The following SYNPR variants were observed in gnomAD, a reference collection of about 807,000 sequenced individuals.
SYNPR encodes synaptoporin.
SYNPR carries 23 observed loss-of-function variants against 32.9 expected under a neutral mutation model. The ratio of observed to expected loss-of-function variants is 0.70; its 90% CI spans 0.50 to 0.99. SYNPR has a LOEUF of 0.99. SYNPR is among the 50% of genes least tolerant of loss of function. The pLI, the probability that SYNPR is intolerant of heterozygous loss-of-function variation, is 0.00. For missense variants in SYNPR, 318 were observed against 349.3 expected, an observed-to-expected ratio of 0.91 and a Z score of 0.71; for synonymous variants, 146 against 135.9, an observed-to-expected ratio of 1.07 and a Z score of -0.52.
At chr3:63,447,063 T>C (rs946338889) in intron 2 of SYNPR, among the ~76,000 whole-genome samples, 8 of 152,166 alleles carry the variant, frequency 5.3e-5, no homozygotes, top group Non-Finnish European at 7.3e-5. Context: ...AATCAGAAAG[T>C]GTGGTATTAG....
chr3:63,320,125 G>A (rs982886403), intron 2 of SYNPR, among the ~76,000 whole-genome samples: 2 of 151,786 alleles, frequency 1.3e-5, no homozygotes, highest in African/African-American at 4.8e-5. Context: ...AATTTTTTCT[G>A]TTTTTAGTAA....
intron 3 of SYNPR, among the ~76,000 whole-genome samples, chr3:63,522,000 AGAG>A (rs1296278877): frequency 1.3e-5 from 2 of 152,184 alleles, no homozygotes; most frequent in African/African-American, 2.4e-5. Flanking sequence ...GGCACAGTGC[AGAG>A]GAGAAGGGGG....
intron 4 of SYNPR, among the ~76,000 whole-genome samples, chr3:63,575,641 C>T (rs1034970272): frequency 3.9e-5 from 6 of 152,074 alleles, no homozygotes; most frequent in African/African-American, 1.4e-4. Flanking sequence ...TGTCAGTTTA[C>T]TCAAAGGAAA....
intron 2 of SYNPR, among the ~76,000 whole-genome samples, chr3:63,344,135 A>G (rs1382815248): frequency 1.3e-5 from 2 of 152,252 alleles, no homozygotes; most frequent in African/African-American, 4.8e-5. Flanking sequence ...CCCTCCTGAC[A>G]TTTTGATAAA....
chr3:63,571,229 T>C (rs1446279038), intron 4 of SYNPR, among the ~76,000 whole-genome samples: 1 of 152,136 alleles, frequency 6.6e-6, no homozygotes. Context: ...ATCTTAAAGT[T>C]TTACTGTTGT....
intron 3 of SYNPR, among the ~76,000 whole-genome samples, chr3:63,549,302 G>A (rs1702462407): frequency 6.6e-6 from 1 of 152,218 alleles, no homozygotes; most frequent in Admixed American, 6.5e-5. Flanking sequence ...ACCGTTAGAT[G>A]AGATGGCACG....
chr3:63,250,365 C>T (rs1324016116), intron 1 of SYNPR, among the ~76,000 whole-genome samples: 1 of 151,792 alleles, frequency 6.6e-6, no homozygotes, highest in South Asian at 2.1e-4. Flanking sequence ...ATAAAATTAT[C>T]CAAGATCTCC....
At chr3:63,222,011 A>ATTTTTTTTTTTTTTTTTTGTTTTTTT in the SYNPR span, among the ~76,000 whole-genome samples, 1 of 56,406 alleles carries the variant, frequency 1.8e-5, no homozygotes, top group Non-Finnish European at 3.5e-5. Flanking sequence ...GCCATGCTCA[A>ATTTTTTTTTTTTTTTTTTGTTTTTTT]TTTTTTTTTT....
At chr3:63,502,484 A>C (rs1701501027) in intron 3 of SYNPR, among the ~76,000 whole-genome samples, 1 of 152,140 alleles carries the variant, frequency 6.6e-6, no homozygotes, top group African/African-American at 2.4e-5. Context: ...ATGACATATA[A>C]TCACCACTAT....
chr3:63,519,075 A>G (rs1283473549), intron 3 of SYNPR, among the ~76,000 whole-genome samples: 1 of 152,118 alleles, frequency 6.6e-6, no homozygotes, highest in East Asian at 1.9e-4. Flanking sequence ...ATTGATTTGC[A>G]TATGTTGAAC....
intron 2 of SYNPR, among the ~76,000 whole-genome samples, chr3:63,353,303 G>A (rs1378468863): frequency 6.6e-6 from 1 of 152,200 alleles, no homozygotes; most frequent in African/African-American, 2.4e-5. Context: ...TCAGCCCACA[G>A]TAATTACAAT....
intron 4 of SYNPR, among the ~76,000 whole-genome samples, chr3:63,596,537 G>A (rs976186764): frequency 6.6e-5 from 10 of 151,910 alleles, no homozygotes; most frequent in African/African-American, 2.4e-4. Flanking sequence ...TGCCCCTGTG[G>A]GCCGCCCACC....
chr3:63,459,326 T>C (rs937554218), intron 2 of SYNPR, among the ~76,000 whole-genome samples: 1 of 152,088 alleles, frequency 6.6e-6, no homozygotes, highest in African/African-American at 2.4e-5. Context: ...CCATCCTTTT[T>C]GACTTTTAAA....
At chr3:63,490,177 GAGAGCAAAGGACA>G (rs1701232997) in intron 3 of SYNPR, among the ~76,000 whole-genome samples, 2 of 152,088 alleles carry the variant, frequency 1.3e-5, no homozygotes, top group Non-Finnish European at 2.9e-5. Context: ...ATATTCCAGG[GAGAGCAAAGGACA>G]AGAGCAGAGG....
chr3:63,579,871 ACT>A (rs1471465214), intron 4 of SYNPR, among the ~76,000 whole-genome samples: 3 of 150,302 alleles, frequency 2.0e-5, no homozygotes, highest in Admixed American at 6.7e-5. Context: ...AAGAAAGAAC[ACT>A]CTAGTGTTTC....
intron 2 of SYNPR, among the ~76,000 whole-genome samples, chr3:63,256,690 T>C (rs1037275402): frequency 6.6e-6 from 1 of 152,152 alleles, no homozygotes; most frequent in Non-Finnish European, 1.5e-5. Flanking sequence ...ACGCAGCTCC[T>C]CACCAGCAAC....
intron 2 of SYNPR, among the ~76,000 whole-genome samples, chr3:63,304,373 TGTG>T (rs2086887636): frequency 6.6e-6 from 1 of 151,860 alleles, no homozygotes; most frequent in African/African-American, 2.4e-5. Context: ...TGTGTGTGTG[TGTG>T]TGTGTGTAAG....
chr3:63,448,890 A>T (rs1700328604), intron 2 of SYNPR, among the ~76,000 whole-genome samples: 1 of 152,202 alleles, frequency 6.6e-6, no homozygotes, highest in Non-Finnish European at 1.5e-5. Flanking sequence ...TTTGCAGGAA[A>T]TGTGTGCTTT....
chr3:63,228,492 T>C (rs1366678647), intron 1 of SYNPR: 1 of 152,198 alleles, frequency 6.6e-6, no homozygotes, highest in Non-Finnish European at 1.5e-5. Flanking sequence ...TGAATCTGAT[T>C]ACAGCACAAC....
Sources: allele counts gnomAD v4.1 joint callset (sites outside exome capture counted in the v4.1 genomes callset), GRCh38; gene constraint gnomAD v4.1.1; transcripts MANE v1.5; gene names NCBI Gene and HGNC (gene_info 2026-07-23, HGNC 2026-07-21).